The following CCDC91 variants were observed in gnomAD, a reference collection of about 807,000 sequenced individuals.
The protein encoded by CCDC91 is coiled-coil domain-containing protein 91.
Under a neutral mutation model 63.2 loss-of-function variants are expected in CCDC91, and 48 were observed. The observed-to-expected ratio is 0.76, with a 90% CI of 0.60 to 0.97. The LOEUF is 0.97. CCDC91 is among the 50% of genes least tolerant of loss of function. The pLI is 0.00. For synonymous variants in CCDC91, 167 were observed against 165.8 expected (o/e 1.01, Z -0.06); for missense variants, 500 against 494.6 (o/e 1.01, Z -0.10).
At chr12:28,239,894 A>T (rs1392462325) in intron 1 of CCDC91, among the ~76,000 whole-genome samples, 1 of 152,154 alleles carries the variant, frequency 6.6e-6, no homozygotes, top group Admixed American at 6.5e-5. Context: ...AATTGTTTTT[A>T]TCTTGTTTTG....
intron 1 of CCDC91, among the ~76,000 whole-genome samples, chr12:28,246,376 C>G (rs1459994713): frequency 6.6e-6 from 1 of 152,084 alleles, no homozygotes; most frequent in Non-Finnish European, 1.5e-5. Context: ...CTATGTGACA[C>G]TTTTCTCTAT....
intron 1 of CCDC91, among the ~76,000 whole-genome samples, chr12:28,195,158 TACA>T (rs879628692): frequency 0.26 from 39,444 of 151,764 alleles, 5,379 homozygotes; most frequent in Non-Finnish European, 0.31. Context: ...TGGTCCGTTT[TACA>T]GAGTGCTGAT....
chr12:28,267,451 A>G (rs1438171182), intron 3 of CCDC91, among the ~76,000 whole-genome samples: 1 of 150,926 alleles, frequency 6.6e-6, no homozygotes. Flanking sequence ...ACAGACCTGT[A>G]GTGAATATTC....
At chr12:28,368,778 G>T (rs866966686) in intron 7 of CCDC91, among the ~76,000 whole-genome samples, 4 of 152,154 alleles carry the variant, frequency 2.6e-5, no homozygotes, top group Middle Eastern at 3.4e-3. Flanking sequence ...ATTGCAGAAG[G>T]TGAAGGAGAA....
At chr12:28,229,782 A>G (rs1944476892) in intron 1 of CCDC91, among the ~76,000 whole-genome samples, 1 of 140,448 alleles carries the variant, frequency 7.1e-6, no homozygotes, top group Non-Finnish European at 1.6e-5. Flanking sequence ...TGATGGGGAC[A>G]TATTTTGGTT....
intron 11 of CCDC91, among the ~76,000 whole-genome samples, chr12:28,458,835 A>G (rs1950178341): frequency 6.6e-6 from 1 of 152,052 alleles, no homozygotes; most frequent in Non-Finnish European, 1.5e-5. Flanking sequence ...CTTATTGCTT[A>G]CCTTGACCTC....
chr12:28,374,696 T>A lies in CCDC91; in HGVS notation c.654+12181T>A, dbSNP rs189597026. Among the ~76,000 whole-genome samples, 28 of 152,218 alleles carry A rather than the reference T, an allele frequency of 1.8e-4. No homozygotes were observed. The East Asian group carries it at 4.8e-3, about 26-fold the overall frequency. On this transcript the variant is annotated intron_variant, in intron 7 of 12. Coordinates refer to ENST00000536442, the MANE Select transcript of CCDC91 (RefSeq NM_018318.5). ...GTAAGTTATGATAGGACTTAAACTTTTCACAAATAATTGAACATTCTGATT... is the reference window on the plus strand; with the variant it reads ...GTAAGTTATGATAGGACTTAAACTTATCACAAATAATTGAACATTCTGATT...
chr12:28,380,487 G>A (rs1436015114), intron 7 of CCDC91, among the ~76,000 whole-genome samples: 1 of 152,058 alleles, frequency 6.6e-6, no homozygotes, highest in Non-Finnish European at 1.5e-5. Context: ...TTGTAGCAAT[G>A]TGAGTCTCAT....
chr12:28,482,134 C>T (rs1363600998), intron 11 of CCDC91, among the ~76,000 whole-genome samples: 2 of 151,842 alleles, frequency 1.3e-5, no homozygotes, highest in Non-Finnish European at 2.9e-5. Context: ...TATTCATATT[C>T]TTCACTACAG....
chr12:28,426,928 T>G (rs1428956297), intron 8 of CCDC91, among the ~76,000 whole-genome samples: 1 of 152,152 alleles, frequency 6.6e-6, no homozygotes, highest in East Asian at 1.9e-4. Context: ...TTAATGTAAA[T>G]TTGGCTAAGA....
intron 10 of CCDC91, 86 bp from the exon 11 acceptor site, chr12:28,452,392 T>C: frequency 1.1e-6 from 1 of 935,842 alleles, no homozygotes; most frequent in Non-Finnish European, 1.6e-6. Flanking sequence ...ATCAAAGTTT[T>C]TTATCTTTTA....
chr12:28,326,259 G>A (rs867053548), intron 6 of CCDC91, among the ~76,000 whole-genome samples: 6 of 151,820 alleles, frequency 4.0e-5, no homozygotes, highest in Non-Finnish European at 7.4e-5. Flanking sequence ...CTCAAACTAC[G>A]GTTCGTTTTT....
At chr12:28,403,595 A>G (rs1486322708) in intron 8 of CCDC91, among the ~76,000 whole-genome samples, 1 of 152,108 alleles carries the variant, frequency 6.6e-6, no homozygotes, top group Non-Finnish European at 1.5e-5. Context: ...TACTTCCCAA[A>G]TGCCCCCCCT....
intron 6 of CCDC91, among the ~76,000 whole-genome samples, chr12:28,311,982 A>G (rs1367436465): frequency 6.6e-6 from 1 of 152,044 alleles, no homozygotes; most frequent in Non-Finnish European, 1.5e-5. Context: ...TTCCCTCTGC[A>G]TTCCAGAATC....
chr12:28,453,925 C>T (rs879333200), intron 11 of CCDC91, among the ~76,000 whole-genome samples: 5 of 152,016 alleles, frequency 3.3e-5, no homozygotes, highest in Admixed American at 2.6e-4. Context: ...AGCACATATT[C>T]GTCATCCTAA....
intron 6 of CCDC91, among the ~76,000 whole-genome samples, chr12:28,344,072 T>C (rs1035467956): frequency 5.3e-5 from 8 of 152,034 alleles, no homozygotes; most frequent in African/African-American, 1.9e-4. Flanking sequence ...TTGGAACCAA[T>C]AGATATTTTA....
intron 1 of CCDC91, among the ~76,000 whole-genome samples, chr12:28,248,984 T>G (rs1298862028): frequency 6.6e-6 from 1 of 152,180 alleles, no homozygotes; most frequent in East Asian, 1.9e-4. Context: ...TGAGTTGTAA[T>G]AGCTGAGTAC....
intron 1 of CCDC91, among the ~76,000 whole-genome samples, chr12:28,235,232 C>T (rs1338813234): frequency 6.6e-6 from 1 of 152,158 alleles, no homozygotes; most frequent in African/African-American, 2.4e-5. Context: ...CCACAAAGCT[C>T]ACCCACATTC....
At chr12:28,359,362 T>C (rs1360075816) in intron 6 of CCDC91, among the ~76,000 whole-genome samples, 1 of 152,274 alleles carries the variant, frequency 6.6e-6, no homozygotes, top group Admixed American at 6.5e-5. Context: ...TATATTCGTC[T>C]TTAGTTTCAT....
Sources: allele counts gnomAD v4.1 joint callset (sites outside exome capture counted in the v4.1 genomes callset), GRCh38; gene constraint gnomAD v4.1.1; transcripts MANE v1.5; gene names NCBI Gene and HGNC (gene_info 2026-07-23, HGNC 2026-07-21).